The following CNTN5 variants were observed in gnomAD, a reference collection of about 807,000 sequenced individuals.
The protein encoded by CNTN5 is contactin 5.
In CNTN5, 77 loss-of-function variants were observed where a neutral mutation model predicts 129.1. The observed-to-expected ratio is 0.60, with a 90% CI of 0.50 to 0.72. CNTN5 has a LOEUF of 0.72. Ranked by LOEUF, CNTN5 falls within the 30% of genes least tolerant of loss-of-function variation. CNTN5 has a pLI of 0.00. For synonymous variants in CNTN5, 509 were observed against 465.6 expected, an observed-to-expected ratio of 1.09 and a Z score of -1.20; for missense variants, 1,478 against 1,328.8, an observed-to-expected ratio of 1.11 and a Z score of -1.75.
chr11:99,523,147 C>T (rs544045100), intron 2 of CNTN5, among the ~76,000 whole-genome samples: 1 of 152,348 alleles, frequency 6.6e-6, no homozygotes, highest in African/African-American at 2.4e-5. Flanking sequence ...TTACCCCGTA[C>T]AGCCTTTCTC....
intron 3 of CNTN5, among the ~76,000 whole-genome samples, chr11:99,691,174 A>C (rs752304269): frequency 6.7e-6 from 1 of 148,594 alleles, no homozygotes; most frequent in African/African-American, 2.5e-5. Context: ...CTTGCAGTCT[A>C]TCTTAATTTT....
chr11:100,203,509 G>T (rs1186514057), intron 15 of CNTN5, among the ~76,000 whole-genome samples: 2 of 151,952 alleles, frequency 1.3e-5, no homozygotes, highest in Non-Finnish European at 2.9e-5. Context: ...ATTGTTTTAT[G>T]CAGTTTTGGC....
rs577919908 is a variant in CNTN5, at chr11:99,359,112, A to T, written c.-71+33628A>T. Among the ~76,000 whole-genome samples the T allele has an allele frequency of 5.9e-4, 90 of 152,360 alleles. 1 individual carries two copies. In the East Asian group the frequency reaches 0.011, roughly 19 times the overall value. Reference sequence around the variant, plus strand: ...TGAAAAGTTATATTGTATTCTCTACATTTAAAACTTTTCAAAATGTCAAAA... The same window carrying T: ...TGAAAAGTTATATTGTATTCTCTACTTTTAAAACTTTTCAAAATGTCAAAA... On this transcript the variant is annotated intron_variant, in intron 2 of 24. Transcript: ENST00000524871.
At chr11:99,383,012 A>G (rs1242093642) in intron 2 of CNTN5, among the ~76,000 whole-genome samples, 1 of 150,710 alleles carries the variant, frequency 6.6e-6, no homozygotes, top group African/African-American at 2.4e-5. Context: ...GTCCACCACG[A>G]CGGCCAGCTA....
chr11:99,992,584 T>C (rs1252765064), intron 8 of CNTN5, among the ~76,000 whole-genome samples: 1 of 152,164 alleles, frequency 6.6e-6, no homozygotes, highest in Non-Finnish European at 1.5e-5. Flanking sequence ...TAGCCCTACC[T>C]TCAAAAAATA....
At chr11:100,067,611 A>G (rs997599027) in intron 10 of CNTN5, among the ~76,000 whole-genome samples, 21 of 152,216 alleles carry the variant, frequency 1.4e-4, no homozygotes, top group African/African-American at 4.8e-4. Flanking sequence ...ATGAAATGAC[A>G]TCTGTCTTTT....
intron 2 of CNTN5, among the ~76,000 whole-genome samples, chr11:99,378,455 C>CA (rs1235254250): frequency 1.3e-5 from 2 of 152,052 alleles, no homozygotes; most frequent in Non-Finnish European, 2.9e-5. Flanking sequence ...TATTCACATG[C>CA]ACTGTCTTGG....
At chr11:99,463,090 A>G (rs1460145636) in intron 2 of CNTN5, among the ~76,000 whole-genome samples, 2 of 129,336 alleles carry the variant, frequency 1.5e-5, no homozygotes, top group South Asian at 2.4e-4. Flanking sequence ...CCTGGGCTAG[A>G]GAGCAAGACT....
rs1231860761 is a variant in CNTN5, at chr11:99,571,476, A to G, written c.55+15207A>G. Among the ~76,000 whole-genome samples, 4 of 152,208 alleles carry G rather than the reference A, an allele frequency of 2.6e-5. No individual in the cohort carries two copies. The East Asian group carries it at 7.7e-4, about 29-fold the overall frequency. ...AGGGGAGGGAAACCAAAGTTAGGAA[A>G]CCTTGACACTTTAAACTCTGTTGTA... is the stretch of plus-strand genomic sequence containing the variant. On this transcript the variant is annotated intron_variant, in intron 3 of 24. Coordinates refer to ENST00000524871, the MANE Select transcript of CNTN5 (RefSeq NM_014361.4).
At position 100,309,394 on chromosome 11, in the gene CNTN5, C is replaced by T. The variant is rs1054684147; in HGVS notation, c.2730+926C>T. 2.1e-5 allele frequency: 20 copies of T among 966,758 alleles called. No homozygotes were observed. The Middle Eastern group carries it at 2.1e-3, about 103-fold the overall frequency. The allele number at this position is 966,758 out of a possible 1,614,324, so 59.9% of individuals were successfully genotyped here. On this transcript the variant is annotated intron_variant, in intron 21 of 24. Transcript: ENST00000524871. The stretch of plus-strand genomic sequence containing the variant: ...AATTATTTGATTAACATACAGCTGG[C>T]ATTAAATAATGATTTCTATGATAAA...
At chr11:99,608,092 G>T (rs1265357346) in intron 3 of CNTN5, among the ~76,000 whole-genome samples, 2 of 70,618 alleles carry the variant, frequency 2.8e-5, no homozygotes, top group South Asian at 1.7e-3. Context: ...CTAAAACTTA[G>T]AGTATAATAA....
At chr11:99,253,099 A>AAGG (rs1246392115) in intron 1 of CNTN5, among the ~76,000 whole-genome samples, 1 of 152,078 alleles carries the variant, frequency 6.6e-6, no homozygotes, top group African/African-American at 2.4e-5. Flanking sequence ...ATTCAAGGGC[A>AAGG]AGGCTAGCTG....
chr11:99,211,000 CTA>C (rs1859747652), intron 1 of CNTN5, among the ~76,000 whole-genome samples: 1 of 152,040 alleles, frequency 6.6e-6, no homozygotes, highest in Non-Finnish European at 1.5e-5. Context: ...AAATTCCTGT[CTA>C]TATAATCAGT....
At chr11:99,165,000 T>C (rs1860805674) in intron 1 of CNTN5, among the ~76,000 whole-genome samples, 1 of 152,222 alleles carries the variant, frequency 6.6e-6, no homozygotes, top group Non-Finnish European at 1.5e-5. Context: ...CAATACAACC[T>C]TGTCCAGTTA....
intron 18 of CNTN5, among the ~76,000 whole-genome samples, chr11:100,280,400 T>C (rs982615237): frequency 6.6e-6 from 1 of 152,088 alleles, no homozygotes; most frequent in African/African-American, 2.4e-5. Context: ...TTATATCCTC[T>C]TGCTGAATTC....
At chr11:99,421,909 A>G (rs1942904864) in intron 2 of CNTN5, among the ~76,000 whole-genome samples, 1 of 152,228 alleles carries the variant, frequency 6.6e-6, no homozygotes, top group African/African-American at 2.4e-5. Flanking sequence ...AACTTATCAT[A>G]GATTTTACAT....
At chr11:99,511,185 T>C (rs1946822279) in intron 2 of CNTN5, among the ~76,000 whole-genome samples, 1 of 152,192 alleles carries the variant, frequency 6.6e-6, no homozygotes, top group Non-Finnish European at 1.5e-5. Flanking sequence ...CATTTAGTGC[T>C]ATAAATTTCC....
chr11:99,206,264 G>A (rs1167245659), intron 1 of CNTN5, among the ~76,000 whole-genome samples: 1 of 152,084 alleles, frequency 6.6e-6, no homozygotes, highest in African/African-American at 2.4e-5. Context: ...ACAAGTGGGT[G>A]GAATATGTAC....
intron 8 of CNTN5, among the ~76,000 whole-genome samples, chr11:99,988,306 T>A (rs987227316): frequency 6.6e-6 from 1 of 152,230 alleles, no homozygotes; most frequent in African/African-American, 2.4e-5. Context: ...AACTCATTTG[T>A]CACGTTTTTT....
Sources: allele counts gnomAD v4.1 joint callset (sites outside exome capture counted in the v4.1 genomes callset), GRCh38; gene constraint gnomAD v4.1.1; transcripts MANE v1.5; gene names NCBI Gene and HGNC (gene_info 2026-07-23, HGNC 2026-07-21).